PLA2R1: variants seen among roughly 807,000 people sequenced by gnomAD.
The protein encoded by PLA2R1 is phospholipase A2 receptor 1.
A neutral mutation model predicts 195.9 loss-of-function variants in PLA2R1; 158 were observed. The ratio of observed to expected loss-of-function variants is 0.81; its 90% CI spans 0.71 to 0.92. The LOEUF is 0.92. Ranked by LOEUF, PLA2R1 falls within the 40% of genes least tolerant of loss-of-function variation. The probability of loss-of-function intolerance (pLI) is 0.00; values close to 1 mark genes in which losing one functional copy is unlikely to be tolerated. For synonymous variants in PLA2R1, 586 were observed against 598.2 expected (o/e 0.98, Z 0.30); for missense variants, 1,626 against 1,764.6 (o/e 0.92, Z 1.41).
At chr2:159,992,310 G>T (rs1690871267) in intron 11 of PLA2R1, among the ~76,000 whole-genome samples, 1 of 149,128 alleles carries the variant, frequency 6.7e-6, no homozygotes, top group Non-Finnish European at 1.5e-5. Context: ...AGCAACTTCA[G>T]CAAAGTCTCA....
rs1323447241 is a variant in PLA2R1 at position 160,005,728 on chromosome 2, C to T, written c.1758G>A (p.Thr586=). 6.8e-6 allele frequency: 11 copies of T among 1,613,442 alleles called. No homozygotes were observed. The highest frequency in any genetic ancestry group is 1.6e-4 in the Middle Eastern group (1 of 6,082). The part of the protein sequence containing the change: ...FWIALQDQND[T]GEYTWKPVGQ... ...CTACTGGCTTCCAAGTGTATTCTCC[C>T]GTATCATTTTGGTCCTGAAGAGCTA... The change falls in exon 11 of 30, where the codon ACG becomes ACA. Residue 586 remains threonine (T), a synonymous_variant. Coordinates refer to ENST00000283243, the MANE Select transcript of PLA2R1 (RefSeq NM_007366.5).
At chr2:160,013,228 G>A (rs371581370) in intron 10 of PLA2R1, 35 bp downstream of exon 10, 533 of 1,025,618 alleles carry the variant, frequency 5.2e-4, no homozygotes, top group Non-Finnish European at 7.7e-4. Flanking sequence ...TCATGTGAAA[G>A]CCGTCTTGTT....
intron 26 of PLA2R1, 111 bp downstream of exon 26, chr2:159,947,308 T>G (rs1387617719): frequency 1.1e-6 from 1 of 900,832 alleles, no homozygotes; most frequent in Non-Finnish European, 1.7e-6. Context: ...GTTTAGTTTT[T>G]GTTGCTCCTA....
At chr2:159,974,793 C>T (rs544001139) in intron 17 of PLA2R1, among the ~76,000 whole-genome samples, 3 of 152,250 alleles carry the variant, frequency 2.0e-5, no homozygotes, top group Admixed American at 2.0e-4. Context: ...TTTTTCTCGG[C>T]TTCTTCATCA....
chr2:160,052,693 CT>C (rs1352088206), intron 1 of PLA2R1, among the ~76,000 whole-genome samples: 1 of 152,068 alleles, frequency 6.6e-6, no homozygotes, highest in Non-Finnish European at 1.5e-5. Context: ...TTAAGATGCC[CT>C]CACAAATGCC....
At chr2:159,946,459 T>C in intron 27 of PLA2R1, 2 of 1,008,476 alleles carry the variant, frequency 2.0e-6, no homozygotes, top group African/African-American at 1.7e-5. Context: ...ATTGTGCTTT[T>C]ATAACATTTA....
the PLA2R1 span, among the ~76,000 whole-genome samples, chr2:159,925,536 T>C: frequency 6.7e-6 from 1 of 150,300 alleles, no homozygotes; most frequent in Non-Finnish European, 1.5e-5. Context: ...ATAAAAACTT[T>C]CTTTTAGAAG....
chr2:160,020,159 C>T lies in PLA2R1; in HGVS notation c.1399G>A (p.Glu467Lys), dbSNP rs531075272. Residue 467 changes from glutamate to lysine, a missense_variant, in exon 8 of 30, where the codon GAG (glutamate) becomes AAG (lysine). By Grantham distance (56) the Glu-to-Lys change is moderately conservative. Transcript: ENST00000283243. ...CTTCTATTTGGAAAAATGTGGGGCTCAAGTGTGTGCCAATTAGTAAAGATG... is the reference window on the plus strand; with the variant it reads ...CTTCTATTTGGAAAAATGTGGGGCTTAAGTGTGTGCCAATTAGTAAAGATG... ...SVIFTNWHTL[E>K]PHIFPNRSQL... 5 of 1,613,828 alleles carry T rather than the reference C, an allele frequency of 3.1e-6. No individual in the cohort carries two copies. The highest frequency in any genetic ancestry group is 3.3e-5 in the Admixed American group (2 of 60,006).
intron 21 of PLA2R1, among the ~76,000 whole-genome samples, chr2:159,956,100 A>G (rs1162345413): frequency 2.0e-5 from 3 of 152,234 alleles, no homozygotes; most frequent in Admixed American, 6.5e-5. Context: ...CTTTCTAAAC[A>G]AAAGAGGATT....
chr2:159,962,888 T>G (rs1688544503), intron 20 of PLA2R1, among the ~76,000 whole-genome samples: 1 of 152,046 alleles, frequency 6.6e-6, no homozygotes, highest in Admixed American at 6.6e-5. Context: ...TGTTGGGGAC[T>G]GGGGGCCTAG....
At chr2:160,005,616 A>G in intron 11 of PLA2R1, 36 bp downstream of exon 11, 3 of 1,584,494 alleles carry the variant, frequency 1.9e-6, no homozygotes, top group Non-Finnish European at 2.6e-6. Flanking sequence ...AGTAAAGAAA[A>G]CAGGGAGGGT....
At chr2:160,015,014 A>G (rs988483133) in intron 9 of PLA2R1, among the ~76,000 whole-genome samples, 4 of 152,348 alleles carry the variant, frequency 2.6e-5, no homozygotes, top group South Asian at 2.1e-4. Context: ...AAAAAATCCA[A>G]TAACTGAACC....
rs879412352 is a variant in PLA2R1, at chr2:159,946,497, T to C, written c.3967+304A>G. 58 of 1,037,214 alleles carry C rather than the reference T, an allele frequency of 5.6e-5. No homozygotes were observed. In the African/African-American group the frequency reaches 6.6e-4, roughly 12 times the overall value. The allele number at this position is 1,037,214 out of a possible 1,614,324, so 64.3% of individuals were successfully genotyped here. A position where few individuals can be genotyped will look rare whatever the true frequency, so the allele number is the denominator to read the frequency against. On this transcript the variant is annotated intron_variant, in intron 27 of 29. Transcript: ENST00000283243. ...AACCTGGGATATTTTCCAGTAAATA[T>C]GGTTTTGGTATGCAATGACTAAGTC...
intron 1 of PLA2R1, among the ~76,000 whole-genome samples, chr2:160,050,171 G>A (rs1324326968): frequency 6.6e-6 from 1 of 152,198 alleles, no homozygotes; most frequent in Non-Finnish European, 1.5e-5. Context: ...TAACAAATAA[G>A]AGAAAGAAAA....
At position 160,027,889 on chromosome 2, in the gene PLA2R1, G is replaced by A. The variant is rs555365509; in HGVS notation, c.1099+329C>T. Reference sequence around the variant, plus strand: ...TCTAAATTATGTTTAATTTCTAGGGGAACAATAAACTCAAAACTAGAATAG... The same window carrying A: ...TCTAAATTATGTTTAATTTCTAGGGAAACAATAAACTCAAAACTAGAATAG... On this transcript the variant is annotated intron_variant, in intron 6 of 29. Transcript: ENST00000283243. Among the ~76,000 whole-genome samples the A allele has an allele frequency of 8.7e-4, 132 of 152,166 alleles. 1 individual carries two copies. Among genetic ancestry groups the A allele is most frequent in the Non-Finnish European group, 1.6e-3 (110 of 68,014 alleles).
Position 159,967,195 on chromosome 2 carries a change from G to A in PLA2R1, c.2904+344C>T, listed in dbSNP as rs6756680. The stretch of plus-strand genomic sequence containing the variant: ...CACGTGCACACACACGCACGCACAT[G>A]AGCACACACACACATGCATATGCAC... On this transcript the variant is annotated intron_variant, in intron 20 of 29. Coordinates refer to ENST00000283243, the MANE Select transcript of PLA2R1 (RefSeq NM_007366.5). 5.6e-3 allele frequency among the ~76,000 whole-genome samples: 847 copies of A among 152,034 alleles called. 7 individuals are homozygous for A. Among genetic ancestry groups the A allele is most frequent in the African/African-American group, 0.02 (814 of 41,440 alleles).
At chr2:160,026,487 G>T (rs1216124755) in intron 6 of PLA2R1, among the ~76,000 whole-genome samples, 1 of 152,172 alleles carries the variant, frequency 6.6e-6, no homozygotes, top group Non-Finnish European at 1.5e-5. Flanking sequence ...GCTCTGGGCT[G>T]ATATGGACTC....
intron 6 of PLA2R1, among the ~76,000 whole-genome samples, chr2:160,027,345 A>G (rs1289401845): frequency 6.6e-6 from 1 of 152,158 alleles, no homozygotes; most frequent in Non-Finnish European, 1.5e-5. Flanking sequence ...ATATGAAAGA[A>G]GGAAGAGAGG....
At position 160,042,020 on chromosome 2, in the gene PLA2R1, C is replaced by T. The variant is rs1207741183; in HGVS notation, c.667+5G>A. ...ACATATAGAGAAGACAAAATTTATT[C>T]TTACTGGGATCAGGGCAAAATCCCC... On this transcript the variant is annotated splice_donor_5th_base_variant and intron_variant, in intron 3 of 29. Transcript: ENST00000283243. 1.7e-5 allele frequency: 27 copies of T among 1,608,670 alleles called. No homozygotes were observed. The highest frequency in any genetic ancestry group is 2.7e-5 in the African/African-American group (2 of 74,846).
Sources: allele counts gnomAD v4.1 joint callset (sites outside exome capture counted in the v4.1 genomes callset), GRCh38; gene constraint gnomAD v4.1.1; transcripts MANE v1.5; gene names NCBI Gene and HGNC (gene_info 2026-07-23, HGNC 2026-07-21).